RAD51B: variants seen among roughly 807,000 people sequenced by gnomAD.
The protein encoded by RAD51B is DNA repair protein RAD51 homolog 2.
RAD51B carries 38 observed loss-of-function variants against 42.2 expected under a neutral mutation model. The observed-to-expected ratio is 0.90, with a 90% CI of 0.70 to 1.18. RAD51B has a LOEUF of 1.18. Among genes scored for constraint, RAD51B ranks in the 50% most tolerant of loss-of-function variants. The probability of loss-of-function intolerance (pLI) is 0.00; values close to 1 mark genes in which losing one functional copy is unlikely to be tolerated. For missense variants in RAD51B, 373 were observed against 400.7 expected (o/e 0.93, Z 0.59); for synonymous variants, 154 against 145.2 (o/e 1.06, Z -0.43).
At chr14:68,634,651 CCTTGGCGGCCACCA>C (rs1484451603) in intron 10 of RAD51B, among the ~76,000 whole-genome samples, 3 of 152,112 alleles carry the variant, frequency 2.0e-5, no homozygotes, top group African/African-American at 7.2e-5. Context: ...CCGTATACCA[CCTTGGCGGCCACCA>C]CTAGTCAGCC....
chr14:68,068,160 A>C (rs976314265), intron 7 of RAD51B, among the ~76,000 whole-genome samples: 1 of 152,128 alleles, frequency 6.6e-6, no homozygotes, highest in Non-Finnish European at 1.5e-5. Context: ...CTTTCAATGT[A>C]CAATTTAGTG....
intron 8 of RAD51B, among the ~76,000 whole-genome samples, chr14:68,407,959 T>G (rs1485835977): frequency 6.6e-6 from 1 of 152,124 alleles, no homozygotes; most frequent in African/African-American, 2.4e-5. Context: ...CACTGAAAGG[T>G]TTTGAGCCTG....
At chr14:67,826,857 G>GT (rs1314891076) in intron 3 of RAD51B, among the ~76,000 whole-genome samples, 1 of 151,852 alleles carries the variant, frequency 6.6e-6, no homozygotes, top group South Asian at 2.1e-4. Flanking sequence ...TACGTTTTGT[G>GT]TTTTTTGTAG....
chr14:67,989,116 G>A lies in RAD51B; in HGVS notation c.756+101912G>A, dbSNP rs547603923. On this transcript the variant is annotated intron_variant, in intron 7 of 10. Transcript: ENST00000471583. ...TGGTTTCCTGATCTATCCACTACTG[G>A]CTGCTTTACTACAGGTAAATCACTT... Among the ~76,000 whole-genome samples the A allele has an allele frequency of 6.6e-5, 10 of 152,178 alleles. No homozygotes were observed. In the South Asian group the frequency reaches 2.1e-3, roughly 32 times the overall value.
chr14:68,587,611 C>T (rs1890550074), intron 10 of RAD51B, among the ~76,000 whole-genome samples: 1 of 152,016 alleles, frequency 6.6e-6, no homozygotes, highest in African/African-American at 2.4e-5. Flanking sequence ...GATTTCAGCA[C>T]ATCCATCCCC....
At chr14:68,071,075 C>T (rs1595357429) in intron 7 of RAD51B, among the ~76,000 whole-genome samples, 1 of 151,890 alleles carries the variant, frequency 6.6e-6, no homozygotes, top group African/African-American at 2.4e-5. Flanking sequence ...TGATTTGGCT[C>T]TCAGCTTGGA....
At chr14:67,894,226 C>T (rs1042028078) in intron 7 of RAD51B, among the ~76,000 whole-genome samples, 3 of 152,194 alleles carry the variant, frequency 2.0e-5, no homozygotes, top group East Asian at 1.9e-4. Context: ...CTAGTTACCT[C>T]GTTCCAGATG....
intron 7 of RAD51B, among the ~76,000 whole-genome samples, chr14:68,111,876 T>G (rs2077464445): frequency 6.6e-6 from 1 of 152,110 alleles, no homozygotes; most frequent in African/African-American, 2.4e-5. Context: ...TACTTTGTGC[T>G]TTCCAGGCAC....
chr14:68,451,031 T>A (rs1156781247), intron 9 of RAD51B, among the ~76,000 whole-genome samples: 1 of 152,100 alleles, frequency 6.6e-6, no homozygotes, highest in Non-Finnish European at 1.5e-5. Context: ...CCTGTGATGG[T>A]CAGTATTCTC....
At chr14:68,129,939 A>G (rs1434896740) in intron 7 of RAD51B, 2 of 152,206 alleles carry the variant, frequency 1.3e-5, no homozygotes, top group Non-Finnish European at 2.9e-5. Flanking sequence ...GTAACCACAA[A>G]CTTAACAGCT....
chr14:68,601,610 A>C (rs957837174), intron 10 of RAD51B, among the ~76,000 whole-genome samples: 1 of 152,098 alleles, frequency 6.6e-6, no homozygotes, highest in African/African-American at 2.4e-5. Context: ...ACTGAGTTTC[A>C]TTCTTCATTC....
intron 10 of RAD51B, among the ~76,000 whole-genome samples, chr14:68,471,479 T>G (rs1331637196): frequency 6.6e-6 from 1 of 152,002 alleles, no homozygotes; most frequent in Non-Finnish European, 1.5e-5. Flanking sequence ...CCTCACCGGT[T>G]CTCAAGGATT....
intron 4 of RAD51B, among the ~76,000 whole-genome samples, chr14:67,837,957 A>G (rs10147052): frequency 0.037 from 5,631 of 152,220 alleles, 311 homozygotes; most frequent in African/African-American, 0.12. Flanking sequence ...CCCTCTAACC[A>G]TCTCAGCCTC....
At chr14:68,461,336 G>GAAAA (rs60250666) in intron 9 of RAD51B, among the ~76,000 whole-genome samples, 10 of 126,518 alleles carry the variant, frequency 7.9e-5, no homozygotes, top group Admixed American at 2.5e-4. Context: ...TCCATGCAGG[G>GAAAA]AAAAAAAAAA....
At chr14:68,613,123 T>C (rs970639325), downstream of RAD51B, among the ~76,000 whole-genome samples, 2 of 152,100 alleles carry the variant, frequency 1.3e-5, no homozygotes, top group Non-Finnish European at 2.9e-5. Flanking sequence ...CAATATAAGA[T>C]TGTTAGTGGA....
chr14:68,399,542 C>T (rs2084032695), intron 8 of RAD51B, among the ~76,000 whole-genome samples: 1 of 152,180 alleles, frequency 6.6e-6, no homozygotes, highest in African/African-American at 2.4e-5. Flanking sequence ...CAGGCGTGAG[C>T]CACCAAGCCC....
intron 8 of RAD51B, among the ~76,000 whole-genome samples, chr14:68,312,899 G>A (rs1305929922): frequency 6.6e-6 from 1 of 152,184 alleles, no homozygotes; most frequent in African/African-American, 2.4e-5. Context: ...AGGCCATTTG[G>A]TCTATTGATG....
intron 7 of RAD51B, among the ~76,000 whole-genome samples, chr14:68,159,512 C>T (rs557104978): frequency 3.3e-5 from 5 of 150,984 alleles, no homozygotes; most frequent in Admixed American, 6.6e-5. Context: ...CCCAGCTACT[C>T]GGGAGGCTGA....
intron 7 of RAD51B, among the ~76,000 whole-genome samples, chr14:68,119,503 G>C (rs1337322063): frequency 3.3e-5 from 4 of 122,596 alleles, no homozygotes; most frequent in Admixed American, 2.2e-4. Flanking sequence ...AGAGTGTGAC[G>C]TTCCCCTTCA....
Sources: allele counts gnomAD v4.1 joint callset (sites outside exome capture counted in the v4.1 genomes callset), GRCh38; gene constraint gnomAD v4.1.1; transcripts MANE v1.5; gene names NCBI Gene and HGNC (gene_info 2026-07-23, HGNC 2026-07-21).